PYCR2: variants seen among roughly 807,000 people sequenced by gnomAD.
PYCR2 encodes the protein pyrroline-5-carboxylate reductase 2.
In PYCR2, 17 loss-of-function variants were observed where a neutral mutation model predicts 23.4. The ratio of observed to expected loss-of-function variants is 0.73; its 90% confidence interval spans 0.50 to 1.09. The LOEUF is 1.09. PYCR2 is among the 50% of genes least tolerant of loss of function. The pLI is 0.00. For synonymous variants in PYCR2, 172 were observed against 176.6 expected (o/e 0.97, Z 0.21); for missense variants, 380 against 423.5 (o/e 0.90, Z 0.90).
chr1:225,921,479 A>C lies in PYCR2; in HGVS notation c.633+73T>G, dbSNP rs772752369. On this transcript the variant is annotated intron_variant, in intron 5 of 6. Transcript: ENST00000343818. The surrounding 1 kb of genome is among the most constrained non-coding windows in gnomAD (Gnocchi z 4.2). ...TACCCCAGCTTCCCAACCAACTCCC[A>C]CCTCAGTTCAGTGATGCACAAGAAC... is the stretch of plus-strand genomic sequence containing the variant. 36 of 1,583,796 alleles carry C rather than the reference A, an allele frequency of 2.3e-5. No individual in the cohort carries two copies. Among genetic ancestry groups the C allele is most frequent in the Non-Finnish European group, 2.9e-5 (34 of 1,154,348 alleles).
rs1671802252 is a variant in PYCR2 at position 225,920,339 on chromosome 1, T to C, written c.*116A>G. Reference sequence around the variant, plus strand: ...CAAGGACCTGAAAACTTCCTAAGCATGCTTTCTCCTTGCACAGCTGAGGAG... The same window carrying C: ...CAAGGACCTGAAAACTTCCTAAGCACGCTTTCTCCTTGCACAGCTGAGGAG... On this transcript the variant is annotated 3_prime_UTR_variant, in exon 7 of 7. Coordinates refer to ENST00000343818, the MANE Select transcript of PYCR2 (RefSeq NM_013328.4). 1.9e-6 allele frequency: 2 copies of C among 1,046,524 alleles called. No homozygotes were observed. Among genetic ancestry groups the C allele is most frequent in the East Asian group, 5.6e-5 (2 of 35,572 alleles). The allele number at this position is 1,046,524 out of a possible 1,614,324, so 64.8% of individuals were successfully genotyped here.
At position 225,921,396 on chromosome 1, in the gene PYCR2, A is replaced by G. The variant is rs1671832957; in HGVS notation, c.634-25T>C. 1.3e-6 allele frequency: 2 copies of G among 1,530,844 alleles called. No homozygotes were observed. The highest frequency in any genetic ancestry group is 1.8e-6 in the Non-Finnish European group (2 of 1,107,120). The allele number at this position is 1,530,844 out of a possible 1,614,324, so 94.8% of individuals were successfully genotyped here. On this transcript the variant is annotated intron_variant, in intron 5 of 6. Transcript: ENST00000343818. This position sits in a 1 kb window ranked among gnomAD's most constrained non-coding sequence, Gnocchi z 4.2. ...CCTATGGGGAAGGGCACATTAGGAG[A>G]AAGTTGCTGGTGTGCGTTGGAACAG... is the stretch of plus-strand genomic sequence containing the variant.
In PYCR2 at chr1:225,922,390, G is replaced by A. The variant is rs553727251; in HGVS notation, c.139-7C>T. On this transcript the variant is annotated splice_polypyrimidine_tract_variant and splice_region_variant and intron_variant, in intron 2 of 6. Transcript: ENST00000343818. ...TCAGGTTCACACCCATCTTCTGCAA[G>A]AGGAGACTCCCAGCTCACAGTGCTG... 3.1e-6 allele frequency: 5 copies of A among 1,601,574 alleles called. No homozygotes were observed. The African/African-American group carries it at 4.2e-5, about 13-fold the overall frequency.
chr1:225,922,629 T>C (rs1026336607), intron 2 of PYCR2: 97 of 504,612 alleles, frequency 1.9e-4, no homozygotes, highest in Non-Finnish European at 3.0e-4. Context: ...GCTGCCCTTC[T>C]TCCCTGCCAA....
Position 225,924,095 on chromosome 1 carries a change from T to C in PYCR2, c.16A>G (p.Ile6Val). 1 of 1,545,558 alleles carries C rather than the reference T, an allele frequency of 6.5e-7. No individual in the cohort carries two copies. The highest frequency in any genetic ancestry group is 8.7e-7 in the Non-Finnish European group (1 of 1,148,268). MSVGF[I>V]GAGQLAYALA... is the part of the protein sequence containing the mutation. ...GCATAGGCCAGCTGGCCGGCCCCGA[T>C]GAAGCCCACGCTCATGGTCCGCGGT... The change falls in exon 1 of 7, where the codon ATC becomes GTC. Residue 6 changes from isoleucine to valine, a missense_variant. By Grantham distance (29) the Ile-to-Val change is conservative. Coordinates refer to ENST00000343818, the MANE Select transcript of PYCR2 (RefSeq NM_013328.4).
chr1:225,923,606 G>A, intron 2 of PYCR2, 95 bp downstream of exon 2: 2 of 1,600,814 alleles, frequency 1.2e-6, no homozygotes, highest in Non-Finnish European at 1.7e-6. Context: ...CCAAAGACCA[G>A]CACTTGGGCG....
Position 225,920,396 on chromosome 1 carries a change from C to A in PYCR2, c.*59G>T, listed in dbSNP as rs56035614. ...TGGTGGGAGCGGGGCAGGGGGGTGG[C>A]AGGGGCGGCAGGGGCTCTCAACTAA... On this transcript the variant is annotated 3_prime_UTR_variant, in exon 7 of 7. Transcript: ENST00000343818. The A allele has an allele frequency of 1.5e-6, 2 of 1,328,342 alleles. No homozygotes were observed. Among genetic ancestry groups the A allele is most frequent in the Admixed American group, 5.8e-5 (2 of 34,588 alleles). 82.3% of individuals were successfully genotyped at this position (1,328,342 alleles called of 1,614,324 possible). A position where few individuals can be genotyped will look rare whatever the true frequency, so the allele number is the denominator to read the frequency against.
intron 1 of PYCR2, 100 bp downstream of exon 1, chr1:225,923,944 G>C: frequency 6.7e-7 from 1 of 1,488,100 alleles, no homozygotes; most frequent in Non-Finnish European, 9.0e-7. Flanking sequence ...CTACCCCACC[G>C]GACGCAAACT....
chr1:225,922,576 A>C, intron 2 of PYCR2, 193 bp from the exon 3 acceptor site: 2 of 604,176 alleles, frequency 3.3e-6, no homozygotes, highest in Non-Finnish European at 5.7e-6. Context: ...AAGTAAGCAC[A>C]GGCTTGGAGC....
intron 2 of PYCR2, chr1:225,922,758 T>C (rs1199382624): frequency 4.1e-5 from 10 of 241,014 alleles, no homozygotes; most frequent in Admixed American, 4.1e-4. Flanking sequence ...GGCCCTATCC[T>C]AACCCTGGCC....
Position 225,922,192 on chromosome 1 carries a change from T to C in PYCR2, c.318+12A>G. On this transcript the variant is annotated intron_variant, in intron 3 of 6. Coordinates refer to ENST00000343818, the MANE Select transcript of PYCR2 (RefSeq NM_013328.4). ...CCCCTCACACAAGGGGCATCAGGGCTGAGATGGGCACCTTCTCCACAGAGC... is the reference window on the plus strand; with the variant it reads ...CCCCTCACACAAGGGGCATCAGGGCCGAGATGGGCACCTTCTCCACAGAGC... The C allele has an allele frequency of 6.2e-7, 1 of 1,611,298 alleles. No homozygotes were observed. The highest frequency in any genetic ancestry group is 8.5e-7 in the Non-Finnish European group (1 of 1,177,668).
chr1:225,923,859 C>T, intron 1 of PYCR2, 88 bp from the exon 2 acceptor site: 2 of 1,570,836 alleles, frequency 1.3e-6, no homozygotes, highest in Non-Finnish European at 1.7e-6. Flanking sequence ...GCCGTCCTAA[C>T]AGTGCCAGTC....
At position 225,924,188 on chromosome 1, in the gene PYCR2, G is replaced by T; in HGVS notation, c.-78C>A. ...CGGAAGTAACGCTAGGGGAAGGGCG[G>T]ACAGCGCAGGGGCGAACGGGCGGCG... On this transcript the variant is annotated 5_prime_UTR_variant, in exon 1 of 7. Transcript: ENST00000343818. The T allele has an allele frequency of 6.8e-7, 1 of 1,460,634 alleles. No homozygotes were observed. The highest frequency in any genetic ancestry group is 1.3e-5 in the South Asian group (1 of 78,608). 90.5% of individuals were successfully genotyped at this position (1,460,634 alleles called of 1,614,324 possible). A position where few individuals can be genotyped will look rare whatever the true frequency, so the allele number is the denominator to read the frequency against.
Position 225,922,352 on chromosome 1 carries a change from T to C in PYCR2, c.170A>G (p.Lys57Arg). ...GACGTCGCTGTGCTTCACCGTCTCC[T>C]TGTTGCTGCGTGTCAGGTTCACACC... is the stretch of plus-strand genomic sequence containing the variant. ...KMGVNLTRSN[K>R]ETVKHSDVLF... The change falls in exon 3 of 7, where the codon AAG (lysine) becomes AGG (arginine). Residue 57 changes from lysine (K) to arginine (R), a missense_variant. Lys to Arg is a conservative substitution (Grantham distance 26, BLOSUM62 2). Transcript: ENST00000343818. 1 of 1,614,010 alleles carries C rather than the reference T, an allele frequency of 6.2e-7. No homozygotes were observed. The highest frequency in any genetic ancestry group is 8.5e-7 in the Non-Finnish European group (1 of 1,179,894).
Position 225,921,856 on chromosome 1 carries a change from A to C in PYCR2, c.540+2T>G, listed in dbSNP as rs1179891604. The C allele has an allele frequency of 6.2e-7, 1 of 1,612,778 alleles. No individual in the cohort carries two copies. Among genetic ancestry groups the C allele is most frequent in the Non-Finnish European group, 8.5e-7 (1 of 1,179,962 alleles). On this transcript the variant is annotated splice_donor_variant, in intron 4 of 6. Transcript: ENST00000343818. LOFTEE classifies it high-confidence loss of function. This position sits in a 1 kb window ranked among gnomAD's most constrained non-coding sequence, Gnocchi z 4.2. Reference sequence around the variant, plus strand: ...GGCTGAGCGAGCAAATGAGGGCCTCACATAGGCAGGCCCGCTGCCACTGAG... The same window carrying C: ...GGCTGAGCGAGCAAATGAGGGCCTCCCATAGGCAGGCCCGCTGCCACTGAG...
chr1:225,923,322 G>A, intron 2 of PYCR2: 2 of 448,614 alleles, frequency 4.5e-6, no homozygotes, highest in Non-Finnish European at 6.1e-6. Context: ...GAGGTGGGAG[G>A]CGGAGGTTAC....
rs1429761675 is a variant in PYCR2, at chr1:225,922,089, G to A, written c.319-10C>T. 3 of 1,612,220 alleles carry A rather than the reference G, an allele frequency of 1.9e-6. No individual in the cohort carries two copies. The highest frequency in any genetic ancestry group is 1.7e-5 in the Admixed American group (1 of 59,890). ...GGAATGCCATCAGCTTCTAGGGTGA[G>A]GGAGAGAGCCGAATGAGTGGCCAGG... On this transcript the variant is annotated splice_polypyrimidine_tract_variant and intron_variant, in intron 3 of 6. Transcript: ENST00000343818.
Position 225,924,226 on chromosome 1 carries a change from G to A in PYCR2, c.-116C>T, listed in dbSNP as rs28364597. 2 of 1,198,104 alleles carry A rather than the reference G, an allele frequency of 1.7e-6. No individual in the cohort carries two copies. The highest frequency in any genetic ancestry group is 2.8e-4 in the Middle Eastern group (1 of 3,558). 74.2% of individuals were successfully genotyped at this position (1,198,104 alleles called of 1,614,324 possible). On this transcript the variant is annotated 5_prime_UTR_variant, in exon 1 of 7. Transcript: ENST00000343818. ...CGAACGGGCGGCGTGCCGAGGACCG[G>A]CGAGCTAACAGCAGCTTCTGGGATG... is the stretch of plus-strand genomic sequence containing the variant.
chr1:225,923,907 G>T, intron 1 of PYCR2, 136 bp from the exon 2 acceptor site: 1 of 1,465,430 alleles, frequency 6.8e-7, no homozygotes, highest in Non-Finnish European at 9.3e-7. Context: ...GACAGAAGAC[G>T]CACTTGCTGC....
Sources: allele counts gnomAD v4.1 joint callset, GRCh38; gene constraint gnomAD v4.1.1; non-coding constraint Gnocchi (gnomAD v3.1); transcripts MANE v1.5; gene names NCBI Gene and HGNC (gene_info 2026-07-23, HGNC 2026-07-21).